CATSPERZ: variants seen among roughly 807,000 people sequenced by gnomAD.
CATSPERZ encodes catsper channel auxiliary subunit zeta.
CATSPERZ carries 21 observed loss-of-function variants against 21.7 expected under a neutral mutation model. The ratio of observed to expected loss-of-function variants is 0.97; its 90% confidence interval spans 0.69 to 1.39. The LOEUF (loss-of-function observed/expected upper bound fraction) is 1.39, where lower values mean the gene tolerates loss of function less well. Ranked by LOEUF, CATSPERZ falls within the 40% of genes most tolerant of loss-of-function variation. The pLI is 0.00. For synonymous variants in CATSPERZ, 127 were observed against 108.7 expected, an observed-to-expected ratio of 1.17 and a Z score of -1.05; for missense variants, 234 against 259.5, an observed-to-expected ratio of 0.90 and a Z score of 0.68.
chr11:64,300,480 T>G (rs1161629740), intron 1 of CATSPERZ, 49 bp downstream of exon 1: 1 of 1,567,086 alleles, frequency 6.4e-7, no homozygotes, highest in Non-Finnish European at 8.7e-7. Context: ...AACCCACCCT[T>G]GGTCCGACTC....
rs923915896 is a variant in CATSPERZ, at chr11:64,304,412, C to A, written c.500-131C>A. 6 of 662,206 alleles carry A rather than the reference C, an allele frequency of 9.1e-6. No individual in the cohort carries two copies. In the African/African-American group the frequency reaches 1.1e-4, roughly 12 times the overall value. The allele number at this position is 662,206 out of a possible 1,614,324, so 41.0% of individuals were successfully genotyped here. On this transcript the variant is annotated intron_variant, in intron 4 of 4. Coordinates refer to ENST00000328404, the MANE Select transcript of CATSPERZ (RefSeq NM_001039496.2). ...AGATGCAAAGTTCCCCAGGCTAACACAGACCTGAGTGCCCTGCGCTACTGC... is the reference window on the plus strand; with the variant it reads ...AGATGCAAAGTTCCCCAGGCTAACAAAGACCTGAGTGCCCTGCGCTACTGC...
chr11:64,303,499 T>G lies in CATSPERZ; in HGVS notation c.370T>G (p.Ser124Ala). ...QIEAEKSSSM[S>A]SLNIAKHMPH... ...TCTCCCAGAAAAGTCTTCCTCAATG[T>G]CATCACTCAATATTGCGAAGCACAT... is the stretch of plus-strand genomic sequence containing the variant. The change falls in exon 3 of 5, where the codon TCA becomes GCA. Residue 124 changes from serine to alanine, a missense_variant. Coordinates refer to ENST00000328404, the MANE Select transcript of CATSPERZ (RefSeq NM_001039496.2). 1 of 1,613,180 alleles carries G rather than the reference T, an allele frequency of 6.2e-7. No homozygotes were observed. The highest frequency in any genetic ancestry group is 8.5e-7 in the Non-Finnish European group (1 of 1,179,586).
At chr11:64,300,490 C>A in intron 1 of CATSPERZ, 59 bp downstream of exon 1, 1 of 1,570,902 alleles carries the variant, frequency 6.4e-7, no homozygotes, top group Non-Finnish European at 8.7e-7. Context: ...TGGTCCGACT[C>A]GGGCCCCTGG....
intron 2 of CATSPERZ, among the ~76,000 whole-genome samples, chr11:64,301,902 C>T (rs1408081886): frequency 1.3e-5 from 2 of 152,148 alleles, no homozygotes; most frequent in Non-Finnish European, 2.9e-5. Flanking sequence ...AACTCCTGGG[C>T]TCAAGTGATC....
intron 2 of CATSPERZ, 130 bp downstream of exon 2, chr11:64,301,117 C>T: frequency 1.1e-6 from 1 of 941,852 alleles, no homozygotes. Context: ...GGAGAGGCGC[C>T]CGCGCCAATC....
intron 2 of CATSPERZ, among the ~76,000 whole-genome samples, chr11:64,301,626 G>A (rs550296475): frequency 6.6e-6 from 1 of 151,900 alleles, no homozygotes; most frequent in East Asian, 1.9e-4. Context: ...CGCCGGCCTC[G>A]GCCTCCCAAA....
chr11:64,300,700 G>A lies in CATSPERZ; in HGVS notation c.65G>A (p.Ser22Asn). 6.5e-7 allele frequency: 1 copy of A among 1,547,408 alleles called. No homozygotes were observed. The highest frequency in any genetic ancestry group is 1.4e-5 in the African/African-American group (1 of 73,102). Residue 22 changes from serine (S) to asparagine (N), a missense_variant, in exon 2 of 5, where the codon AGC becomes AAC. Coordinates refer to ENST00000328404, the MANE Select transcript of CATSPERZ (RefSeq NM_001039496.2). ...SSDRQGSDEESVHSDTRDLWT... is the reference protein window; with the variant it reads ...SSDRQGSDEENVHSDTRDLWT... The stretch of plus-strand genomic sequence containing the variant: ...GACCGCCAAGGCTCGGACGAGGAGA[G>A]CGTGCATAGCGACACTCGGGACCTG...
rs1289264290 is a variant in CATSPERZ, at chr11:64,300,702, G to A, written c.67G>A (p.Val23Met). 1.3e-6 allele frequency: 2 copies of A among 1,548,028 alleles called. No individual in the cohort carries two copies. The highest frequency in any genetic ancestry group is 1.7e-6 in the Non-Finnish European group (2 of 1,144,860). ...CCGCCAAGGCTCGGACGAGGAGAGC[G>A]TGCATAGCGACACTCGGGACCTGTG... ...SDRQGSDEES[V>M]HSDTRDLWTT... Residue 23 changes from valine to methionine, a missense_variant, in exon 2 of 5, where the codon GTG becomes ATG. Physicochemically the swap from Val to Met is conservative, Grantham distance 21. Transcript: ENST00000328404.
intron 4 of CATSPERZ, 48 bp from the exon 5 acceptor site, chr11:64,304,495 A>C: frequency 3.4e-6 from 5 of 1,451,982 alleles, no homozygotes; most frequent in Non-Finnish European, 4.7e-6. Flanking sequence ...TGGTGGGGAG[A>C]CCTTTCGGTT....
At position 64,300,518 on chromosome 11, in the gene CATSPERZ, C is replaced by G. The variant is rs974606064; in HGVS notation, c.21+87C>G. 8 of 1,549,278 alleles carry G rather than the reference C, an allele frequency of 5.2e-6. No individual in the cohort carries two copies. The African/African-American group carries it at 5.5e-5, about 11-fold the overall frequency. ...GCCCCTGGCGCTATTTCTTACTCAG[C>G]CTTGGCTGCCCGCAGCCCCCACCCA... is the stretch of plus-strand genomic sequence containing the variant. On this transcript the variant is annotated intron_variant, in intron 1 of 4. Transcript: ENST00000328404.
intron 2 of CATSPERZ, 79 bp from the exon 3 acceptor site, chr11:64,303,403 A>G: frequency 8.4e-7 from 1 of 1,192,710 alleles, no homozygotes; most frequent in Admixed American, 2.1e-5. Context: ...TCCCTCTCAC[A>G]AGGTGCCTAC....
At chr11:64,304,503 G>T in intron 4 of CATSPERZ, 40 bp from the exon 5 acceptor site, 5 of 1,506,030 alleles carry the variant, frequency 3.3e-6, no homozygotes, top group Non-Finnish European at 4.5e-6. Context: ...AGACCTTTCG[G>T]TTGCTCACTG....
chr11:64,300,496 C>T (rs1290137531), intron 1 of CATSPERZ, 65 bp downstream of exon 1: 11 of 1,570,294 alleles, frequency 7.0e-6, no homozygotes, highest in Non-Finnish European at 9.5e-6. Context: ...GACTCGGGCC[C>T]CTGGCGCTAT....
At chr11:64,303,704 G>C in intron 3 of CATSPERZ, 69 bp from the exon 4 acceptor site, 1 of 1,530,102 alleles carries the variant, frequency 6.5e-7, no homozygotes. Context: ...ACAGGGAGGA[G>C]GTGGGGGCAT....
intron 2 of CATSPERZ, 113 bp downstream of exon 2, chr11:64,301,100 T>C (rs2034917802): frequency 9.1e-7 from 1 of 1,097,072 alleles, no homozygotes; most frequent in African/African-American, 1.6e-5. Flanking sequence ...GTTTCTAGGA[T>C]TCTCTGGGAG....
chr11:64,300,969 G>A lies in CATSPERZ; in HGVS notation c.334G>A (p.Ala112Thr), dbSNP rs1476105090. 2 of 1,559,844 alleles carry A rather than the reference G, an allele frequency of 1.3e-6. No individual in the cohort carries two copies. Among genetic ancestry groups the A allele is most frequent in the East Asian group, 4.7e-5 (2 of 42,218 alleles). The change falls in exon 2 of 5, where the codon GCA (alanine) becomes ACA (threonine). Residue 112 changes from alanine (A) to threonine (T), a missense_variant. Transcript: ENST00000328404. ...AATCAATCTGGGGGAGAAGGACACT[G>A]CATCCCAGATCGAGGCCGGTCAGTG... ...MEINLGEKDTASQIEAEKSSS... is the reference protein window; with the variant it reads ...MEINLGEKDTTSQIEAEKSSS...
chr11:64,302,579 C>T (rs1004141398), intron 2 of CATSPERZ, among the ~76,000 whole-genome samples: 3 of 149,604 alleles, frequency 2.0e-5, no homozygotes, highest in African/African-American at 7.4e-5. Context: ...CCGCGCTCGG[C>T]TATTTATTTT....
chr11:64,303,651 G>A, intron 3 of CATSPERZ, 90 bp downstream of exon 3: 1 of 1,476,266 alleles, frequency 6.8e-7, no homozygotes, highest in Non-Finnish European at 9.2e-7. Flanking sequence ...GGGGTGGTTG[G>A]CAGGGTGGAG....
rs1333357190 is a variant in CATSPERZ at position 64,304,745 on chromosome 11, A to C, written c.*99A>C. 5 of 968,504 alleles carry C rather than the reference A, an allele frequency of 5.2e-6. No individual in the cohort carries two copies. Among genetic ancestry groups the C allele is most frequent in the Non-Finnish European group, 7.7e-6 (5 of 651,292 alleles). The allele number at this position is 968,504 out of a possible 1,614,324, so 60.0% of individuals were successfully genotyped here. A position where few individuals can be genotyped will look rare whatever the true frequency, so the allele number is the denominator to read the frequency against. On this transcript the variant is annotated 3_prime_UTR_variant, in exon 5 of 5. Coordinates refer to ENST00000328404, the MANE Select transcript of CATSPERZ (RefSeq NM_001039496.2). ...CCCATCCGAGTGGAATTTGAGTCCT[A>C]AAGAAATAAAAGAGTCGATGCATGG...
Sources: gnomAD v4.1 joint callset for allele counts (sites outside exome capture counted in the v4.1 genomes callset) on GRCh38, gnomAD v4.1.1 for gene constraint, MANE v1.5 for transcripts, NCBI Gene and HGNC (gene_info 2026-07-23, HGNC 2026-07-21) for gene names.